Variants in FMNL2 observed in about 807,000 individuals in gnomAD.
FMNL2 encodes formin-like protein 2.
FMNL2 carries 51 observed loss-of-function variants against 130.2 expected under a neutral mutation model. The ratio of observed to expected loss-of-function variants is 0.39; its 90% CI spans 0.31 to 0.49. The LOEUF (loss-of-function observed/expected upper bound fraction) is 0.49. FMNL2 is among the 20% of genes least tolerant of loss of function. FMNL2 has a pLI of 0.85. For synonymous variants in FMNL2, 465 were observed against 467.1 expected, an observed-to-expected ratio of 1.00 and a Z score of 0.06; for missense variants, 977 against 1,316.2, an observed-to-expected ratio of 0.74 and a Z score of 3.99.
intron 1 of FMNL2, among the ~76,000 whole-genome samples, chr2:152,367,798 T>C (rs1683645177): frequency 2.0e-5 from 3 of 152,254 alleles, no homozygotes; most frequent in Non-Finnish European, 4.4e-5. Flanking sequence ...GGATTTGCTC[T>C]CTTTGGGCAA....
intron 1 of FMNL2, among the ~76,000 whole-genome samples, chr2:152,462,676 C>T (rs530038138): frequency 7.2e-5 from 11 of 152,304 alleles, no homozygotes; most frequent in Admixed American, 7.2e-4. Context: ...CATATATACT[C>T]TTAATTGATC....
intron 9 of FMNL2, among the ~76,000 whole-genome samples, chr2:152,589,987 A>ATATGTATGTATATGTATATGTATATG (rs70974871): frequency 0.16 from 8,498 of 53,792 alleles, 902 homozygotes; most frequent in East Asian, 0.28. Flanking sequence ...ATATATATGT[A>ATATGTATGTATATGTATATGTATATG]TATGTATATG....
intron 1 of FMNL2, among the ~76,000 whole-genome samples, chr2:152,415,411 G>A (rs540026376): frequency 6.6e-6 from 1 of 152,316 alleles, no homozygotes; most frequent in African/African-American, 2.4e-5. Flanking sequence ...ATAACACTCA[G>A]CTTACTTCAC....
chr2:152,335,321 G>C lies in FMNL2; in HGVS notation c.-283G>C, dbSNP rs1194628952. 1 of 193,232 alleles carries C rather than the reference G, an allele frequency of 5.2e-6. No individual in the cohort carries two copies. The highest frequency in any genetic ancestry group is 2.3e-5 in the African/African-American group (1 of 42,664). The allele number at this position is 193,232 out of a possible 1,614,324, so 12.0% of individuals were successfully genotyped here. A position where few individuals can be genotyped will look rare whatever the true frequency, so the allele number is the denominator to read the frequency against. On this transcript the variant is annotated 5_prime_UTR_variant, in exon 1 of 26. Coordinates refer to ENST00000288670, the MANE Select transcript of FMNL2 (RefSeq NM_052905.4). ...TCTGGCAGGGGGCGGTGTGCCAGCGGAGCACCATGCACATAGGCGCCCAGC... is the reference window on the plus strand; with the variant it reads ...TCTGGCAGGGGGCGGTGTGCCAGCGCAGCACCATGCACATAGGCGCCCAGC...
At chr2:152,428,742 A>G (rs1687320190) in intron 1 of FMNL2, among the ~76,000 whole-genome samples, 2 of 152,198 alleles carry the variant, frequency 1.3e-5, no homozygotes, top group African/African-American at 4.8e-5. Context: ...TGTGTTCTAT[A>G]ATTCTGTGAT....
At chr2:152,394,362 GC>G (rs1186959751) in intron 1 of FMNL2, among the ~76,000 whole-genome samples, 2 of 152,104 alleles carry the variant, frequency 1.3e-5, no homozygotes, top group African/African-American at 4.8e-5. Flanking sequence ...ATTGTGGGTT[GC>G]TTTTGAATCC....
At chr2:152,599,676 G>A (rs1390893731) in intron 9 of FMNL2, among the ~76,000 whole-genome samples, 6 of 152,090 alleles carry the variant, frequency 3.9e-5, no homozygotes, top group Admixed American at 3.3e-4. Context: ...AGCATTATGC[G>A]AATGAAACCT....
Position 152,410,551 on chromosome 2 carries a change from T to G in FMNL2, c.117+74831T>G, listed in dbSNP as rs116162489. Reference sequence around the variant, plus strand: ...CAGACCTGGCTGAGCAACATGTAACTGATCCAATTTCTCACTGACTCAGGA... The same window carrying G: ...CAGACCTGGCTGAGCAACATGTAACGGATCCAATTTCTCACTGACTCAGGA... On this transcript the variant is annotated intron_variant, in intron 1 of 25. Coordinates refer to ENST00000288670, the MANE Select transcript of FMNL2 (RefSeq NM_052905.4). Among the ~76,000 whole-genome samples, 480 of 152,318 alleles carry G rather than the reference T, an allele frequency of 3.2e-3. 3 individuals are homozygous for G. Among genetic ancestry groups the G allele is most frequent in the African/African-American group, 0.011 (464 of 41,584 alleles).
chr2:152,491,129 A>G (rs1691163430), intron 1 of FMNL2, among the ~76,000 whole-genome samples: 1 of 152,158 alleles, frequency 6.6e-6, no homozygotes, highest in Non-Finnish European at 1.5e-5. Flanking sequence ...TGTATAATGA[A>G]TGTATCCTCT....
chr2:152,401,404 A>G, intron 1 of FMNL2, among the ~76,000 whole-genome samples: 1 of 152,230 alleles, frequency 6.6e-6, no homozygotes, highest in Non-Finnish European at 1.5e-5. Flanking sequence ...TGGTTTCTGC[A>G]TACCTGGCAC....
At chr2:152,349,888 ACAGTC>A (rs1408674687) in intron 1 of FMNL2, among the ~76,000 whole-genome samples, 1 of 151,046 alleles carries the variant, frequency 6.6e-6, no homozygotes, top group Non-Finnish European at 1.5e-5. Context: ...CTTTATTCAG[ACAGTC>A]CAAAAAATAT....
intron 25 of FMNL2, chr2:152,643,686 A>G (rs1683296615): frequency 7.0e-7 from 1 of 1,433,520 alleles, no homozygotes; most frequent in Non-Finnish European, 9.1e-7. Context: ...TTCAATTATT[A>G]TTGCTCACTC....
At chr2:152,582,856 G>C (rs1696869678) in intron 9 of FMNL2, among the ~76,000 whole-genome samples, 1 of 152,048 alleles carries the variant, frequency 6.6e-6, no homozygotes. Flanking sequence ...AGTGGCCCTT[G>C]TTATAATGAC....
At chr2:152,530,603 T>C (rs1693634185) in intron 2 of FMNL2, among the ~76,000 whole-genome samples, 1 of 152,186 alleles carries the variant, frequency 6.6e-6, no homozygotes, top group South Asian at 2.1e-4. Flanking sequence ...AATATTATGC[T>C]GAATGTTTCA....
rs910487628 is a variant in FMNL2, at chr2:152,649,689, CGTT to C, written c.*1786_*1788del. The C allele has an allele frequency of 2.0e-5, 3 of 152,536 alleles. No homozygotes were observed. The highest frequency in any genetic ancestry group is 7.2e-5 in the African/African-American group (3 of 41,412). 9.4% of individuals were successfully genotyped at this position (152,536 alleles called of 1,614,324 possible). A position where few individuals can be genotyped will look rare whatever the true frequency, so the allele number is the denominator to read the frequency against. ...TATTTATTAATCTACAAATAGACAACGTTGGCATGTTCTTTTCTGTTTGTCTAT... is the reference window on the plus strand; with the variant it reads ...TATTTATTAATCTACAAATAGACAACGGCATGTTCTTTTCTGTTTGTCTAT... On this transcript the variant is annotated 3_prime_UTR_variant, in exon 26 of 26. Coordinates refer to ENST00000288670, the MANE Select transcript of FMNL2 (RefSeq NM_052905.4).
At chr2:152,421,966 C>T (rs555450039) in intron 1 of FMNL2, among the ~76,000 whole-genome samples, 6 of 152,278 alleles carry the variant, frequency 3.9e-5, no homozygotes, top group African/African-American at 1.4e-4. Context: ...TAAGTAATGC[C>T]TTCAAGCTAG....
At chr2:152,634,917 C>G (rs1161510691) in intron 21 of FMNL2, among the ~76,000 whole-genome samples, 1 of 151,916 alleles carries the variant, frequency 6.6e-6, no homozygotes, top group Non-Finnish European at 1.5e-5. Context: ...CAAATGGTGA[C>G]CATGACTTCT....
chr2:152,495,653 C>CAAAAA (rs55989531), intron 1 of FMNL2, among the ~76,000 whole-genome samples: 808 of 48,548 alleles, frequency 0.017, 77 homozygotes, highest in African/African-American at 0.055. Flanking sequence ...TCCGTCTCAC[C>CAAAAA]AAAAAAAAAA....
At chr2:152,610,369 A>G (rs1036336757) in intron 10 of FMNL2, among the ~76,000 whole-genome samples, 1 of 152,136 alleles carries the variant, frequency 6.6e-6, no homozygotes, top group Admixed American at 6.6e-5. Context: ...TATTTAGCCT[A>G]TTCACAGGGC....
Sources: gnomAD v4.1 joint callset for allele counts (sites outside exome capture counted in the v4.1 genomes callset) on GRCh38, gnomAD v4.1.1 for gene constraint, MANE v1.5 for transcripts, NCBI Gene and HGNC (gene_info 2026-07-23, HGNC 2026-07-21) for gene names.